The following CTTNBP2 variants were observed in gnomAD, a reference collection of about 807,000 sequenced individuals.
CTTNBP2 encodes the protein cortactin binding protein 2.
A neutral mutation model predicts 156.9 loss-of-function variants in CTTNBP2; 108 were observed. That is an observed-to-expected ratio of 0.69 (90% CI 0.59 to 0.81). CTTNBP2 has a LOEUF of 0.81. Ranked by LOEUF, CTTNBP2 falls within the 30% of genes least tolerant of loss-of-function variation. The pLI is 0.00. For synonymous variants in CTTNBP2, 767 were observed against 751.8 expected (o/e 1.02, Z -0.33); for missense variants, 1,924 against 2,035.4 (o/e 0.95, Z 1.05).
At chr7:117,772,452 G>A (rs1006869698) in intron 8 of CTTNBP2, among the ~76,000 whole-genome samples, 4 of 152,320 alleles carry the variant, frequency 2.6e-5, no homozygotes, top group African/African-American at 9.6e-5. Flanking sequence ...GATTGGCCAA[G>A]AAGCCTAAAC....
At chr7:117,860,201 C>T (rs528094101) in intron 2 of CTTNBP2, among the ~76,000 whole-genome samples, 2 of 152,176 alleles carry the variant, frequency 1.3e-5, no homozygotes, top group Admixed American at 6.5e-5. Context: ...TAACTAATTA[C>T]AGACAAAGTA....
At chr7:117,809,984 C>T (rs1800171892) in intron 3 of CTTNBP2, among the ~76,000 whole-genome samples, 1 of 152,190 alleles carries the variant, frequency 6.6e-6, no homozygotes, top group African/African-American at 2.4e-5. Flanking sequence ...CATCGATAGT[C>T]TTGGCAGCAT....
intron 22 of CTTNBP2, among the ~76,000 whole-genome samples, chr7:117,716,692 G>A (rs1359606135): frequency 6.6e-6 from 1 of 152,144 alleles, no homozygotes; most frequent in Non-Finnish European, 1.5e-5. Context: ...ATGATAGAGT[G>A]AGCTTGAAAG....
At chr7:117,752,301 G>A (rs1796656612) in intron 12 of CTTNBP2, among the ~76,000 whole-genome samples, 1 of 152,066 alleles carries the variant, frequency 6.6e-6, no homozygotes, top group African/African-American at 2.4e-5. Flanking sequence ...CAAGATGACC[G>A]AACTCCAGCA....
intron 3 of CTTNBP2, among the ~76,000 whole-genome samples, chr7:117,798,531 C>T (rs1371168532): frequency 6.6e-6 from 1 of 152,010 alleles, no homozygotes; most frequent in Non-Finnish European, 1.5e-5. Context: ...ATATTTGGGG[C>T]TGAATGAATA....
intron 1 of CTTNBP2, among the ~76,000 whole-genome samples, chr7:117,867,543 C>G (rs1049177737): frequency 9.9e-5 from 15 of 152,096 alleles, no homozygotes; most frequent in Non-Finnish European, 1.8e-4. Context: ...TCCCCCTGCC[C>G]CCACCCCACC....
chr7:117,771,416 G>A (rs1189870486), intron 8 of CTTNBP2, among the ~76,000 whole-genome samples: 1 of 152,200 alleles, frequency 6.6e-6, no homozygotes, highest in Non-Finnish European at 1.5e-5. Flanking sequence ...GATGGAAGCT[G>A]TTAACGTGGG....
intron 22 of CTTNBP2, chr7:117,714,240 T>C (rs1030563574): frequency 2.6e-5 from 4 of 152,228 alleles, no homozygotes; most frequent in Admixed American, 6.5e-5. Flanking sequence ...TGGATGGTGA[T>C]AGTCACAACT....
chr7:117,808,008 A>G (rs1800051244), intron 3 of CTTNBP2, among the ~76,000 whole-genome samples: 2 of 152,312 alleles, frequency 1.3e-5, no homozygotes, highest in South Asian at 4.1e-4. Context: ...CAACTCACCT[A>G]TTTATATTGC....
At chr7:117,768,895 T>A (rs1797658104) in intron 8 of CTTNBP2, among the ~76,000 whole-genome samples, 1 of 152,220 alleles carries the variant, frequency 6.6e-6, no homozygotes, top group East Asian at 1.9e-4. Flanking sequence ...TCAGAATTCA[T>A]CTTCATTAAA....
chr7:117,867,684 G>A (rs1263344159), intron 1 of CTTNBP2, among the ~76,000 whole-genome samples: 1 of 152,172 alleles, frequency 6.6e-6, no homozygotes. Flanking sequence ...CTAAGTAACT[G>A]TATTAGATGA....
Position 117,810,857 on chromosome 7 carries a change from G to A in CTTNBP2, c.322C>T (p.Leu108Phe). 1 of 1,614,094 alleles carries A rather than the reference G, an allele frequency of 6.2e-7. No homozygotes were observed. Among genetic ancestry groups the A allele is most frequent in the Non-Finnish European group, 8.5e-7 (1 of 1,180,018 alleles). The change falls in exon 3 of 23, where the codon CTC becomes TTC. Residue 108 changes from leucine to phenylalanine, a missense_variant. Transcript: ENST00000160373. ...GCCATGACTGCTTCAAGGATGGAGA[G>A]GGGGTTGGTACAAACTGGCTTCTTC... ...KEKKPVCTNP[L>F]SILEAVMAHC...
Position 117,784,465 on chromosome 7 carries a change from A to C in CTTNBP2, c.2069-11T>G. ...GGGAGGGTGACCAGCCTGTAGGTTA[A>C]AGTGACCCTCGTTAGAGAGTAGGAG... On this transcript the variant is annotated splice_polypyrimidine_tract_variant and intron_variant, in intron 4 of 22. Coordinates refer to ENST00000160373, the MANE Select transcript of CTTNBP2 (RefSeq NM_033427.3). 1 of 1,564,468 alleles carries C rather than the reference A, an allele frequency of 6.4e-7. No homozygotes were observed. Among genetic ancestry groups the C allele is most frequent in the Non-Finnish European group, 8.6e-7 (1 of 1,160,678 alleles).
chr7:117,740,815 T>C (rs1323591849), intron 14 of CTTNBP2, among the ~76,000 whole-genome samples: 3 of 152,196 alleles, frequency 2.0e-5, no homozygotes, highest in South Asian at 4.1e-4. Flanking sequence ...CTGTGGCTCA[T>C]AGGAGTTCCC....
intron 8 of CTTNBP2, among the ~76,000 whole-genome samples, chr7:117,768,199 G>A (rs1797600617): frequency 6.6e-6 from 1 of 151,964 alleles, no homozygotes; most frequent in African/African-American, 2.4e-5. Context: ...TTATCTTTCT[G>A]TAGCACACCC....
At chr7:117,816,397 T>C (rs1323551239) in intron 2 of CTTNBP2, among the ~76,000 whole-genome samples, 1 of 152,170 alleles carries the variant, frequency 6.6e-6, no homozygotes, top group Non-Finnish European at 1.5e-5. Context: ...GAGTAGTCTT[T>C]CTAAAATGGA....
intron 19 of CTTNBP2, among the ~76,000 whole-genome samples, chr7:117,722,490 A>G (rs1794857037): frequency 6.6e-6 from 1 of 152,212 alleles, no homozygotes; most frequent in Non-Finnish European, 1.5e-5. Flanking sequence ...TCATGCTTCA[A>G]AGAATATAAC....
At chr7:117,824,077 C>T (rs930696698) in intron 2 of CTTNBP2, among the ~76,000 whole-genome samples, 9 of 151,668 alleles carry the variant, frequency 5.9e-5, no homozygotes, top group African/African-American at 2.2e-4. Context: ...AGGCGGTAAC[C>T]CTCACAACAG....
At chr7:117,775,584 CTTT>C (rs35808637) in intron 8 of CTTNBP2, among the ~76,000 whole-genome samples, 3 of 138,466 alleles carry the variant, frequency 2.2e-5, no homozygotes, top group Non-Finnish European at 1.6e-5. Flanking sequence ...TTTGTTTTTC[CTTT>C]TTTTTTTTTG....
Sources: gnomAD v4.1 joint callset for allele counts (sites outside exome capture counted in the v4.1 genomes callset) on GRCh38, gnomAD v4.1.1 for gene constraint, MANE v1.5 for transcripts, NCBI Gene and HGNC (gene_info 2026-07-23, HGNC 2026-07-21) for gene names.